IFT140: variants seen among roughly 807,000 people sequenced by gnomAD.
The protein encoded by IFT140 is intraflagellar transport 140.
In IFT140, 133 loss-of-function variants were observed where a neutral mutation model predicts 164.6. The ratio of observed to expected loss-of-function variants is 0.81; its 90% CI spans 0.70 to 0.93. The LOEUF is 0.93. Ranked by LOEUF, IFT140 falls within the 40% of genes least tolerant of loss-of-function variation. The pLI is 0.00. For synonymous variants in IFT140, 860 were observed against 817.3 expected (o/e 1.05, Z -0.89); for missense variants, 2,045 against 1,972.3 (o/e 1.04, Z -0.70).
intron 6 of IFT140, among the ~76,000 whole-genome samples, chr16:1,591,454 T>C (rs533250301): frequency 6.6e-6 from 1 of 152,134 alleles, no homozygotes; most frequent in South Asian, 2.1e-4. Flanking sequence ...GCTCTCTTCT[T>C]CCTGTCAAGA....
intron 13 of IFT140, among the ~76,000 whole-genome samples, chr16:1,574,687 C>T (rs958742787): frequency 1.8e-4 from 28 of 152,182 alleles, no homozygotes; most frequent in African/African-American, 5.1e-4. Context: ...GTGACCAGCC[C>T]TCCTGCCTCC....
intron 19 of IFT140, among the ~76,000 whole-genome samples, chr16:1,536,729 G>A (rs777537980): frequency 6.6e-6 from 1 of 152,194 alleles, no homozygotes; most frequent in Non-Finnish European, 1.5e-5. Context: ...GGCCGTGCTG[G>A]TGTCTTCCTC....
chr16:1,554,857 T>C (rs374969149), intron 19 of IFT140: 1 of 1,614,128 alleles, frequency 6.2e-7, no homozygotes, highest in African/African-American at 1.3e-5. Context: ...TCCTGCTACC[T>C]GAACATTGGC....
intron 3 of IFT140, among the ~76,000 whole-genome samples, chr16:1,604,006 T>C (rs1165005141): frequency 6.6e-6 from 1 of 152,268 alleles, no homozygotes; most frequent in Non-Finnish European, 1.5e-5. Flanking sequence ...AATAGTATGC[T>C]TTAGATCTTC....
At chr16:1,522,690 T>A (rs949206727) in intron 26 of IFT140, among the ~76,000 whole-genome samples, 9 of 151,726 alleles carry the variant, frequency 5.9e-5, no homozygotes, top group Non-Finnish European at 1.2e-4. Context: ...ATACAAAAAT[T>A]AGCTGGGTGT....
chr16:1,513,225 C>G (rs975440948), intron 30 of IFT140: 3 of 152,214 alleles, frequency 2.0e-5, no homozygotes, highest in East Asian at 1.9e-4. Flanking sequence ...CGCGGTGGCT[C>G]ACGCCTGTAA....
At chr16:1,519,339 C>T (rs906406286) in intron 29 of IFT140, among the ~76,000 whole-genome samples, 3 of 152,220 alleles carry the variant, frequency 2.0e-5, no homozygotes, top group African/African-American at 4.8e-5. Context: ...CACAGCAGCT[C>T]TCTGAAAAGC....
chr16:1,540,943 C>T (rs2031573896), intron 19 of IFT140: 5 of 985,402 alleles, frequency 5.1e-6, no homozygotes, highest in Middle Eastern at 1.0e-3. Context: ...TGCTCTGCAG[C>T]GTGCAGGGGC....
At chr16:1,536,829 CCT>C (rs1179372569) in intron 19 of IFT140, among the ~76,000 whole-genome samples, 1 of 152,214 alleles carries the variant, frequency 6.6e-6, no homozygotes, top group African/African-American at 2.4e-5. Context: ...CGGGGTGGCC[CCT>C]CTGTCCACAG....
At chr16:1,525,007 G>A in intron 22 of IFT140, 91 bp from the exon 23 acceptor site, 5 of 1,492,792 alleles carry the variant, frequency 3.3e-6, no homozygotes, top group Non-Finnish European at 2.7e-6. Context: ...CCCTTAGAGT[G>A]CATGTCACCT....
intron 1 of IFT140, among the ~76,000 whole-genome samples, chr16:1,611,055 G>A (rs2142148359): frequency 6.6e-6 from 1 of 152,364 alleles, no homozygotes; most frequent in South Asian, 2.1e-4. Flanking sequence ...CCTTCCCTGG[G>A]CTCCGCTTTT....
At chr16:1,541,407 G>GTT (rs905586951) in intron 19 of IFT140, 20 of 985,254 alleles carry the variant, frequency 2.0e-5, no homozygotes, top group Non-Finnish European at 2.4e-5. Context: ...TGGGAGGAGG[G>GTT]AACACCACCA....
chr16:1,610,921 C>A (rs927438882), intron 1 of IFT140, 68 bp from the exon 2 acceptor site: 1 of 152,402 alleles, frequency 6.6e-6, no homozygotes, highest in South Asian at 2.1e-4. Flanking sequence ...GTCTGGGTCC[C>A]CTTTGTGTGG....
chr16:1,526,198 G>A (rs979759617), intron 20 of IFT140, 121 bp from the exon 21 acceptor site: 9 of 971,486 alleles, frequency 9.3e-6, no homozygotes, highest in East Asian at 5.3e-5. Context: ...ACTGACACAC[G>A]GGGCCGCTGT....
rs1319739285 is a variant in IFT140 at position 1,566,246 on chromosome 16, T to C, written c.1816A>G (p.Met606Val). The change falls in exon 16 of 31, where the codon ATG becomes GTG. Residue 606 changes from methionine (M) to valine (V), a missense_variant. Physicochemically the swap from Met to Val is conservative, Grantham distance 21. Transcript: ENST00000426508. The stretch of plus-strand genomic sequence containing the variant: ...AAGTCAAAGACGGTCACTGTGTCCA[T>C]TTCAACATCGTAGAAGCAGATTTTG... ...DSKICFYDVE[M>V]DTVTVFDFKT... The C allele has an allele frequency of 1.9e-6, 3 of 1,613,918 alleles. No individual in the cohort carries two copies. The highest frequency in any genetic ancestry group is 1.1e-5 in the South Asian group (1 of 91,082).
At chr16:1,601,050 G>T (rs916309104) in intron 4 of IFT140, among the ~76,000 whole-genome samples, 2 of 151,980 alleles carry the variant, frequency 1.3e-5, no homozygotes, top group Admixed American at 6.6e-5. Context: ...ATCTCTTGAC[G>T]TCAGCAGCTT....
At chr16:1,569,149 C>T (rs1304430923) in intron 14 of IFT140, among the ~76,000 whole-genome samples, 5 of 151,966 alleles carry the variant, frequency 3.3e-5, no homozygotes, top group Non-Finnish European at 7.4e-5. Context: ...GGCCTACAGG[C>T]GCCCGCCACC....
chr16:1,576,802 T>C (rs2034302238), intron 13 of IFT140: 1 of 152,202 alleles, frequency 6.6e-6, no homozygotes, highest in Non-Finnish European at 1.5e-5. Context: ...TATGTGCAGC[T>C]GAGCGAAGTG....
chr16:1,586,211 C>T lies in IFT140; in HGVS notation c.1074G>A (p.Leu358=). The T allele has an allele frequency of 6.2e-7, 1 of 1,614,110 alleles. No individual in the cohort carries two copies. Among genetic ancestry groups the T allele is most frequent in the African/African-American group, 1.3e-5 (1 of 75,042 alleles). The change falls in exon 10 of 31, where the codon CTG becomes CTA. Residue 358 remains leucine (L), a synonymous_variant. Coordinates refer to ENST00000426508, the MANE Select transcript of IFT140 (RefSeq NM_014714.4). ...CCTTGCCCTCTGCCCCGGGGCTGCC[C>T]AGGAAGTCTGGTACTTTCCTCCACA... ...VAMWRKVPDF[L]GSPGAEGKDR...
Sources: allele counts gnomAD v4.1 joint callset (sites outside exome capture counted in the v4.1 genomes callset), GRCh38; gene constraint gnomAD v4.1.1; transcripts MANE v1.5; gene names NCBI Gene and HGNC (gene_info 2026-07-23, HGNC 2026-07-21).